LUZP1: variants seen among roughly 807,000 people sequenced by gnomAD.
LUZP1 encodes the protein leucine zipper protein 1.
In LUZP1, 25 loss-of-function variants were observed where a neutral mutation model predicts 71.3. That is an observed-to-expected ratio of 0.35 (90% CI 0.26 to 0.49). The LOEUF is 0.49. Among genes scored for constraint, LUZP1 ranks in the 20% least tolerant of loss-of-function variants. The pLI is 0.99. For missense variants in LUZP1, 1,142 were observed against 1,300.8 expected (o/e 0.88, Z 1.88); for synonymous variants, 481 against 506.4 (o/e 0.95, Z 0.67).
At chr1:23,112,367 T>A (rs772221373) in intron 2 of LUZP1, among the ~76,000 whole-genome samples, 1 of 152,208 alleles carries the variant, frequency 6.6e-6, no homozygotes, top group Non-Finnish European at 1.5e-5. Flanking sequence ...GTAGTATGTG[T>A]GTACGTGTCT....
chr1:23,107,889 CTA>C (rs781609365), intron 3 of LUZP1, among the ~76,000 whole-genome samples: 11 of 152,242 alleles, frequency 7.2e-5, no homozygotes, highest in Admixed American at 3.3e-4. Flanking sequence ...TTATCCCTAA[CTA>C]CACCTATTTC....
chr1:23,103,721 G>C (rs1643950003), intron 3 of LUZP1, among the ~76,000 whole-genome samples: 1 of 151,022 alleles, frequency 6.6e-6, no homozygotes. Context: ...CAGAAGTGTA[G>C]TTTTTTGTGT....
chr1:23,156,777 C>A (rs142621867), intron 2 of LUZP1, among the ~76,000 whole-genome samples: 39 of 152,208 alleles, frequency 2.6e-4, no homozygotes, highest in Admixed American at 7.9e-4. Flanking sequence ...TTTTGACGTG[C>A]CATTTATAGG....
intron 2 of LUZP1, among the ~76,000 whole-genome samples, chr1:23,130,757 C>T (rs1253186395): frequency 1.3e-5 from 2 of 152,030 alleles, no homozygotes; most frequent in Non-Finnish European, 2.9e-5. Context: ...TCAATGGTTT[C>T]CTATCACTTA....
At chr1:23,162,023 CAAAAAAAAAAAAAA>C (rs377371342) in intron 2 of LUZP1, among the ~76,000 whole-genome samples, 7 of 59,514 alleles carry the variant, frequency 1.2e-4, no homozygotes, top group African/African-American at 4.3e-4. Context: ...GAGACTGTCT[CAAAAAAAAAAAAAA>C]AAAAAAAAAA....
At chr1:23,121,906 G>A (rs1644132720) in intron 2 of LUZP1, among the ~76,000 whole-genome samples, 1 of 152,176 alleles carries the variant, frequency 6.6e-6, no homozygotes, top group Non-Finnish European at 1.5e-5. Flanking sequence ...CAGTTACTCA[G>A]GAGGCTGAGG....
Position 23,094,211 on chromosome 1 carries a change from C to T in LUZP1, c.51G>A (p.Arg17=). The T allele has an allele frequency of 1.2e-6, 2 of 1,612,748 alleles. No individual in the cohort carries two copies. Among genetic ancestry groups the T allele is most frequent in the Non-Finnish European group, 1.7e-6 (2 of 1,179,658 alleles). Residue 17 remains arginine, a synonymous_variant, in exon 4 of 5, where the codon CGG becomes CGA. Transcript: ENST00000302291. The surrounding 1 kb of genome is among the most constrained non-coding windows in gnomAD (Gnocchi z 4.7). ...GGCGGCTTAGACTCTGTAGCTTAAA[C>T]CGCAAGTGGCGGCTGGAGGCCGTCT...
At position 23,149,591 on chromosome 1, in the gene LUZP1, GT is replaced by G. The variant is rs568668330; in HGVS notation, c.-226+19174del. Among the ~76,000 whole-genome samples the G allele has an allele frequency of 9.3e-3, 1,409 of 152,292 alleles. 8 individuals are homozygous for G. Among genetic ancestry groups the G allele is most frequent in the Middle Eastern group, 0.037 (11 of 294 alleles). On this transcript the variant is annotated intron_variant, in intron 2 of 4. Transcript: ENST00000302291. ...CTTTTGAATGTGCATTTACAGTAGTGTTGGGGACAGAAACAAGACAGGAAAA... is the reference window on the plus strand; with the variant it reads ...CTTTTGAATGTGCATTTACAGTAGTGTGGGGACAGAAACAAGACAGGAAAA...
intron 2 of LUZP1, among the ~76,000 whole-genome samples, chr1:23,124,956 C>T (rs1017008996): frequency 6.6e-6 from 1 of 152,192 alleles, no homozygotes. Context: ...AGGCAAGGTA[C>T]GAAAGTGTTG....
intron 2 of LUZP1, among the ~76,000 whole-genome samples, chr1:23,148,127 A>C (rs1644357320): frequency 6.6e-6 from 1 of 152,226 alleles, no homozygotes; most frequent in African/African-American, 2.4e-5. Context: ...GACAAATCTC[A>C]GACCCAAAAG....
At chr1:23,129,958 C>T (rs1399435597) in intron 2 of LUZP1, among the ~76,000 whole-genome samples, 1 of 152,154 alleles carries the variant, frequency 6.6e-6, no homozygotes, top group Non-Finnish European at 1.5e-5. Context: ...GTGACTAACA[C>T]ATAAGTAAGA....
In LUZP1 at chr1:23,091,404, G is replaced by A. The variant is rs752279640; in HGVS notation, c.2858C>T (p.Thr953Ile). The A allele has an allele frequency of 2.5e-6, 4 of 1,614,200 alleles. No individual in the cohort carries two copies. In the Admixed American group the frequency reaches 6.7e-5, roughly 27 times the overall value. The stretch of plus-strand genomic sequence containing the variant: ...TGAGAAGTCTGTGGAAGACCTCTGG[G>A]TGTAGGCATTGCTATTGGTAGATTC... Residue 953 changes from threonine to isoleucine, a missense_variant, in exon 4 of 5, where the codon ACC becomes ATC. Physicochemically the swap from Thr to Ile is moderately conservative, Grantham distance 89. Transcript: ENST00000302291.
exon 4 of LUZP1, chr1:23,092,767 C>T: frequency 2.5e-6 from 4 of 1,613,888 alleles, no homozygotes; most frequent in South Asian, 1.1e-5. Flanking sequence ...CCCTTCAGTC[C>T]GCTCTCGGTG....
chr1:23,161,432 C>T (rs897519586), intron 2 of LUZP1, among the ~76,000 whole-genome samples: 1 of 152,122 alleles, frequency 6.6e-6, no homozygotes, highest in Non-Finnish European at 1.5e-5. Context: ...CAGAGCCATG[C>T]ATACAAAGGC....
intron 2 of LUZP1, among the ~76,000 whole-genome samples, chr1:23,167,893 C>T (rs901882111): frequency 1.3e-5 from 2 of 151,870 alleles, no homozygotes; most frequent in African/African-American, 4.8e-5. Flanking sequence ...GGCGGCTGGG[C>T]GGGGGCCGGG....
At chr1:23,115,174 C>G (rs1644068068) in intron 2 of LUZP1, among the ~76,000 whole-genome samples, 1 of 152,160 alleles carries the variant, frequency 6.6e-6, no homozygotes, top group African/African-American at 2.4e-5. Flanking sequence ...AAAATAATGT[C>G]TTTCAACTGA....
Position 23,093,319 on chromosome 1 carries a change from T to A in LUZP1, c.943A>T (p.Met315Leu). ...TGAAGGTCGTTATTTTTGGACTTCA[T>A]TTTCTTAAGCTCTTCTTCCAACGAT... The change falls in exon 4 of 5, where the codon ATG (methionine) becomes TTG (leucine). Residue 315 changes from methionine to leucine, a missense_variant. Physicochemically the swap from Met to Leu is conservative, Grantham distance 15. Transcript: ENST00000302291. The surrounding 1 kb of genome is among the most constrained non-coding windows in gnomAD (Gnocchi z 4.2). 6.2e-7 allele frequency: 1 copy of A among 1,610,296 alleles called. No individual in the cohort carries two copies. Among genetic ancestry groups the A allele is most frequent in the Non-Finnish European group, 8.5e-7 (1 of 1,179,142 alleles).
Position 23,093,017 on chromosome 1 carries a change from A to G in LUZP1, c.1245T>C (p.Ser415=). 6.2e-7 allele frequency: 1 copy of G among 1,614,132 alleles called. No homozygotes were observed. Among genetic ancestry groups the G allele is most frequent in the Non-Finnish European group, 8.5e-7 (1 of 1,180,018 alleles). The change falls in exon 4 of 5, where the codon TCT becomes TCC. Residue 415 remains serine, a synonymous_variant. Transcript: ENST00000302291. This position sits in a 1 kb window ranked among gnomAD's most constrained non-coding sequence, Gnocchi z 4.2. ...GAGAAGAAACCTGCCTGTTGCTCAG[A>G]GAATAGTTTTCATTGTTGAGAGCAA...
chr1:23,135,665 T>C (rs1248082866), intron 2 of LUZP1, among the ~76,000 whole-genome samples: 1 of 152,294 alleles, frequency 6.6e-6, no homozygotes, highest in African/African-American at 2.4e-5. Context: ...ACATATATCA[T>C]AGGTAGCCAA....
Sources: gnomAD v4.1 joint callset for allele counts (sites outside exome capture counted in the v4.1 genomes callset) on GRCh38, gnomAD v4.1.1 for gene constraint, Gnocchi (gnomAD v3.1) non-coding constraint, MANE v1.5 for transcripts, NCBI Gene and HGNC (gene_info 2026-07-23, HGNC 2026-07-21) for gene names.